The following TRNT1 variants were observed in gnomAD, a reference collection of about 807,000 sequenced individuals.
TRNT1 encodes the protein tRNA nucleotidyl transferase 1.
A neutral mutation model predicts 45.6 loss-of-function variants in TRNT1; 44 were observed. That is an observed-to-expected ratio of 0.97 (90% confidence interval 0.76 to 1.24). The LOEUF is 1.24. Ranked by LOEUF, TRNT1 falls within the 50% of genes most tolerant of loss-of-function variation. The pLI, the probability that TRNT1 is intolerant of heterozygous loss-of-function variation, is 0.00. For missense variants in TRNT1, 633 were observed against 504.4 expected, an observed-to-expected ratio of 1.25 and a Z score of -2.44; for synonymous variants, 201 against 171.4, an observed-to-expected ratio of 1.17 and a Z score of -1.35.
downstream of TRNT1, chr3:3,153,367 A>C: frequency 3.1e-6 from 3 of 974,724 alleles, no homozygotes; most frequent in South Asian, 3.9e-5. Flanking sequence ...ACAGAAATAC[A>C]GTCTTCATTA....
chr3:3,146,679 A>C, intron 6 of TRNT1, 56 bp downstream of exon 6: 1 of 1,397,574 alleles, frequency 7.2e-7, no homozygotes, highest in South Asian at 1.4e-5. Flanking sequence ...CTGGTTTCAA[A>C]TTTCATAAGG....
At position 3,146,620 on chromosome 3, in the gene TRNT1, A is replaced by G. The variant is rs534492192; in HGVS notation, c.799A>G (p.Ile267Val). The G allele has an allele frequency of 6.9e-6, 11 of 1,601,582 alleles. No individual in the cohort carries two copies. The highest frequency in any genetic ancestry group is 8.5e-6 in the Non-Finnish European group (10 of 1,174,940). The change falls in exon 6 of 8, where the codon ATA (isoleucine) becomes GTA (valine). Residue 267 changes from isoleucine (I) to valine (V), a missense_variant. Ile to Val is a conservative substitution (Grantham distance 29, BLOSUM62 3). Transcript: ENST00000251607. ...LIYDLDVAPY[I>V]GLPANASLEE... ...CTATGATCTTGATGTGGCTCCTTAT[A>G]TAGGTGAGAGCAAGTTATAAAGTGT...
intron 2 of TRNT1, chr3:3,131,413 A>T (rs192591921): frequency 6.6e-6 from 1 of 152,332 alleles, no homozygotes; most frequent in South Asian, 2.1e-4. Flanking sequence ...ATTGATTACT[A>T]TAGTTTCTTG....
downstream of TRNT1, chr3:3,149,287 T>C (rs1187662610): frequency 6.6e-6 from 1 of 152,088 alleles, no homozygotes; most frequent in Non-Finnish European, 1.5e-5. Flanking sequence ...ACTTAAAATA[T>C]TTAAGTACTG....
In TRNT1 at chr3:3,146,557, C is replaced by A; in HGVS notation, c.736C>A (p.Leu246Ile). The change falls in exon 6 of 8, where the codon CTT becomes ATT. Residue 246 changes from leucine to isoleucine, a missense_variant. Leu to Ile is a conservative substitution (Grantham distance 5, BLOSUM62 2). Coordinates refer to ENST00000251607, the MANE Select transcript of TRNT1 (RefSeq NM_182916.3). ...ERIWVELKKI[L>I]VGNHVNHLIH... ...GATTTGGGTGGAACTGAAAAAAATT[C>A]TTGTTGGTAACCATGTAAATCATTT... 2 of 1,613,916 alleles carry A rather than the reference C, an allele frequency of 1.2e-6. No individual in the cohort carries two copies. Among genetic ancestry groups the A allele is most frequent in the Non-Finnish European group, 1.7e-6 (2 of 1,179,928 alleles).
chr3:3,152,641 T>C (rs2306832), downstream of TRNT1: 2,516 of 1,604,704 alleles, frequency 1.6e-3, 68 homozygotes, highest in East Asian at 0.05. Context: ...TCTAATTTTA[T>C]TAAATGCTTA....
chr3:3,133,720 G>A (rs151133631), intron 2 of TRNT1, among the ~76,000 whole-genome samples: 164 of 152,166 alleles, frequency 1.1e-3, no homozygotes, highest in African/African-American at 3.7e-3. Context: ...GTTATGTGAC[G>A]TCAGAAGGCC....
rs1201060596 is a variant in TRNT1 at position 3,148,943 on chromosome 3, A to G, written c.*789A>G. 1 of 127,748 alleles carries G rather than the reference A, an allele frequency of 7.8e-6. No homozygotes were observed. The highest frequency in any genetic ancestry group is 1.8e-5 in the Non-Finnish European group (1 of 54,656). 7.9% of individuals were successfully genotyped at this position (127,748 alleles called of 1,614,324 possible). On this transcript the variant is annotated 3_prime_UTR_variant, in exon 8 of 8. Coordinates refer to ENST00000251607, the MANE Select transcript of TRNT1 (RefSeq NM_182916.3). ...TTAAAGTGTTATTTTATTAATTAAA[A>G]GGATATGGCTATTATTATATATTCT...
chr3:3,144,777 C>G, intron 5 of TRNT1, 67 bp downstream of exon 5: 1 of 1,388,998 alleles, frequency 7.2e-7, no homozygotes. Flanking sequence ...AGTGGTCATA[C>G]GAAACCCACA....
intron 4 of TRNT1, among the ~76,000 whole-genome samples, chr3:3,141,339 C>A (rs995416937): frequency 1.3e-5 from 2 of 152,086 alleles, no homozygotes; most frequent in Non-Finnish European, 2.9e-5. Context: ...CCACACACAT[C>A]TACACACACA....
chr3:3,129,408 C>T (rs752865792), intron 2 of TRNT1: 81 of 489,632 alleles, frequency 1.7e-4, no homozygotes, highest in Non-Finnish European at 2.7e-4. Context: ...GTGTGAGCCA[C>T]GGTGCCCAAT....
intron 2 of TRNT1, among the ~76,000 whole-genome samples, chr3:3,135,386 G>A (rs1705261454): frequency 6.6e-6 from 1 of 152,048 alleles, no homozygotes; most frequent in African/African-American, 2.4e-5. Flanking sequence ...GAGTAGTTAG[G>A]AGGAGCAGTT....
chr3:3,138,419 A>T (rs1013465735), intron 3 of TRNT1, among the ~76,000 whole-genome samples: 2 of 152,088 alleles, frequency 1.3e-5, no homozygotes, highest in Non-Finnish European at 1.5e-5. Flanking sequence ...TTCCTTTTGG[A>T]AGTCTTTCTG....
intron 4 of TRNT1, among the ~76,000 whole-genome samples, chr3:3,142,323 C>A (rs1359570291): frequency 1.3e-5 from 2 of 152,168 alleles, no homozygotes; most frequent in Non-Finnish European, 2.9e-5. Context: ...AGGCACTGTT[C>A]TGAGCACATT....
At chr3:3,149,056 TATA>T (rs1299132049), downstream of TRNT1, 3 of 152,052 alleles carry the variant, frequency 2.0e-5, no homozygotes, top group African/African-American at 7.3e-5. Context: ...TTTCAGCTGC[TATA>T]CTGACATTTC....
intron 4 of TRNT1, among the ~76,000 whole-genome samples, chr3:3,142,924 G>C (rs1367848075): frequency 3.3e-5 from 5 of 152,110 alleles, no homozygotes; most frequent in Non-Finnish European, 5.9e-5. Context: ...TGTCAAGATG[G>C]TTCCCTTTTA....
chr3:3,144,736 G>C (rs572905881), intron 5 of TRNT1, 26 bp downstream of exon 5: 2 of 1,498,900 alleles, frequency 1.3e-6, no homozygotes, highest in African/African-American at 2.8e-5. Flanking sequence ...AATAAAAAAT[G>C]ATAGTTTTAA....
chr3:3,147,799 CTTATTTTAAATGAAAAAAT>C, intron 7 of TRNT1, 88 bp from the exon 8 acceptor site: 3 of 1,516,858 alleles, frequency 2.0e-6, no homozygotes, highest in Non-Finnish European at 2.6e-6. Flanking sequence ...GTGAATTTTA[CTTATTTTAAATGAAAAAAT>C]TTATGTTGAG....
chr3:3,153,421 T>C, downstream of TRNT1: 1 of 1,463,468 alleles, frequency 6.8e-7, no homozygotes, highest in Non-Finnish European at 9.6e-7. Flanking sequence ...ATAAAGACCT[T>C]ACCTGAATAT....
Sources: gnomAD v4.1 joint callset for allele counts (sites outside exome capture counted in the v4.1 genomes callset) on GRCh38, gnomAD v4.1.1 for gene constraint, MANE v1.5 for transcripts, NCBI Gene and HGNC (gene_info 2026-07-23, HGNC 2026-07-21) for gene names.